DNAH6: variants seen among roughly 807,000 people sequenced by gnomAD.
DNAH6 encodes the protein dynein axonemal heavy chain 6, also known as axonemal beta dynein heavy chain 6.
DNAH6 carries 340 observed loss-of-function variants against 491.4 expected under a neutral mutation model. The observed-to-expected ratio is 0.69, with a 90% CI of 0.63 to 0.76. The LOEUF is 0.76. Among genes scored for constraint, DNAH6 ranks in the 30% least tolerant of loss-of-function variants. The probability of loss-of-function intolerance (pLI) is 0.00; values close to 1 mark genes in which losing one functional copy is unlikely to be tolerated. For missense variants in DNAH6, 4,443 were observed against 4,972.2 expected (o/e 0.89, Z 3.20); for synonymous variants, 1,603 against 1,686.1 (o/e 0.95, Z 1.21).
the DNAH6 span, among the ~76,000 whole-genome samples, chr2:84,493,707 G>A: frequency 6.6e-6 from 1 of 152,180 alleles, no homozygotes; most frequent in Non-Finnish European, 1.5e-5. Context: ...GAAGGAATCG[G>A]CGCCAGAAGA....
At chr2:84,672,244 G>A in intron 39 of DNAH6, 83 bp from the exon 40 acceptor site, 3 of 1,395,236 alleles carry the variant, frequency 2.2e-6, no homozygotes, top group Non-Finnish European at 2.9e-6. Context: ...ATGTCATTGA[G>A]TCCAAAGTCA....
chr2:84,601,755 T>C (rs1685265802), intron 18 of DNAH6, among the ~76,000 whole-genome samples: 1 of 151,986 alleles, frequency 6.6e-6, no homozygotes, highest in Admixed American at 6.5e-5. Context: ...TTGCTAGCTG[T>C]TTTATTTATT....
intron 29 of DNAH6, among the ~76,000 whole-genome samples, chr2:84,628,906 G>A (rs977892016): frequency 3.3e-5 from 5 of 152,044 alleles, no homozygotes; most frequent in African/African-American, 1.2e-4. Flanking sequence ...TGTTACCAGC[G>A]CACTTGAAAT....
At chr2:84,739,450 T>C (rs763828966) in intron 62 of DNAH6, among the ~76,000 whole-genome samples, 3 of 152,240 alleles carry the variant, frequency 2.0e-5, no homozygotes, top group Non-Finnish European at 4.4e-5. Context: ...TTTTCCAAGT[T>C]GCTTATTCTC....
intron 33 of DNAH6, among the ~76,000 whole-genome samples, chr2:84,651,358 G>A (rs887932160): frequency 6.6e-5 from 10 of 152,210 alleles, no homozygotes; most frequent in African/African-American, 1.4e-4. Context: ...CTCTGACACC[G>A]TGGGAGAATG....
intron 37 of DNAH6, among the ~76,000 whole-genome samples, chr2:84,664,318 G>C (rs1691844444): frequency 6.6e-6 from 1 of 152,096 alleles, no homozygotes; most frequent in African/African-American, 2.4e-5. Context: ...TGGATAAAGA[G>C]TCAAGACCCA....
intron 37 of DNAH6, among the ~76,000 whole-genome samples, chr2:84,668,205 GT>G (rs1692361764): frequency 6.6e-6 from 1 of 152,074 alleles, no homozygotes. Flanking sequence ...AAACTTGCAC[GT>G]TGTGCACATG....
Position 84,616,973 on chromosome 2 carries a change from T to A in DNAH6, c.3563T>A (p.Ile1188Asn), listed in dbSNP as rs1188943952. ...LEAYLESKRV[I>N]FPRFYFLSND... ...GCATACTTAGAATCAAAAAGAGTTA[T>A]CTTTCCAAGGTAAGTTTATAAAGCA... is the stretch of plus-strand genomic sequence containing the variant. Residue 1188 changes from isoleucine (I) to asparagine (N), a missense_variant, in exon 23 of 77, where the codon ATC becomes AAC. By Grantham distance (149) the Ile-to-Asn change is moderately radical (BLOSUM62 -3). Coordinates refer to ENST00000389394, the MANE Select transcript of DNAH6 (RefSeq NM_001370.2). 1 of 1,486,610 alleles carries A rather than the reference T, an allele frequency of 6.7e-7. No homozygotes were observed. The allele number at this position is 1,486,610 out of a possible 1,614,324, so 92.1% of individuals were successfully genotyped here.
At position 84,709,391 on chromosome 2, in the gene DNAH6, G is replaced by C. The variant is rs549377464; in HGVS notation, c.9097G>C (p.Asp3033His). Residue 3033 changes from aspartate to histidine, a missense_variant, in exon 55 of 77, where the codon GAT (aspartate) becomes CAT (histidine). Physicochemically the swap from Asp to His is moderately conservative, Grantham distance 81. Around this residue, in one of 3 missense-constraint regions of DNAH6, gnomAD observed 1,463 missense variants for 1,656.6 expected, o/e 0.88. Transcript: ENST00000389394. Reference sequence around the variant, plus strand: ...CTGTCAGTCTCTGGAGATCCCAATCGATCCTTCCTTCAGTCTCATTAACAT... The same window carrying C: ...CTGTCAGTCTCTGGAGATCCCAATCCATCCTTCCTTCAGTCTCATTAACAT... ...QDCQSLEIPI[D>H]PSFSLINILG... 4 of 1,551,598 alleles carry C rather than the reference G, an allele frequency of 2.6e-6. No individual in the cohort carries two copies. The South Asian group carries it at 4.8e-5, about 18-fold the overall frequency.
chr2:84,550,121 CT>C, intron 9 of DNAH6, 64 bp downstream of exon 9: 1 of 1,277,974 alleles, frequency 7.8e-7, no homozygotes, highest in African/African-American at 1.5e-5. Flanking sequence ...GCAAACTACG[CT>C]CTATGAATTA....
At chr2:84,567,534 ACAAT>A (rs1175286473) in intron 11 of DNAH6, among the ~76,000 whole-genome samples, 1 of 152,176 alleles carries the variant, frequency 6.6e-6, no homozygotes, top group Non-Finnish European at 1.5e-5. Flanking sequence ...CCTAACAAAA[ACAAT>A]CAATGGGGAA....
intron 11 of DNAH6, among the ~76,000 whole-genome samples, chr2:84,571,822 G>A (rs1681920805): frequency 6.6e-6 from 1 of 151,858 alleles, no homozygotes; most frequent in Non-Finnish European, 1.5e-5. Context: ...AGGAGACTGA[G>A]ACGGAGAATT....
At chr2:84,492,270 T>A in the DNAH6 span, among the ~76,000 whole-genome samples, 1 of 152,220 alleles carries the variant, frequency 6.6e-6, no homozygotes, top group African/African-American at 2.4e-5. Context: ...GTGCCTACTG[T>A]CCCTTAGAGT....
intron 10 of DNAH6, among the ~76,000 whole-genome samples, chr2:84,553,506 G>T (rs748530558): frequency 6.9e-6 from 1 of 145,088 alleles, no homozygotes; most frequent in East Asian, 2.0e-4. Context: ...TCTGTCACCC[G>T]GGCTGGAATG....
intron 72 of DNAH6, among the ~76,000 whole-genome samples, chr2:84,809,203 A>G (rs1361239748): frequency 1.3e-5 from 2 of 152,224 alleles, no homozygotes; most frequent in African/African-American, 4.8e-5. Flanking sequence ...CATAACTTTG[A>G]TAAGAGAAAA....
intron 42 of DNAH6, among the ~76,000 whole-genome samples, chr2:84,684,248 C>T (rs1444215656): frequency 5.9e-5 from 9 of 152,140 alleles, no homozygotes; most frequent in African/African-American, 1.4e-4. Flanking sequence ...TTTCATGAAC[C>T]GCTTCAGACT....
chr2:84,538,186 A>G (rs550346546), intron 4 of DNAH6, among the ~76,000 whole-genome samples: 24 of 151,744 alleles, frequency 1.6e-4, no homozygotes, highest in African/African-American at 5.3e-4. Flanking sequence ...AATGACAACT[A>G]CTCCTGCATT....
Position 84,703,340 on chromosome 2 carries a change from A to G in DNAH6, c.8062-55A>G, listed in dbSNP as rs1057083474. Reference sequence around the variant, plus strand: ...ACATGAGTAATATGTGTTCGATACCAGTAAACTTAGAGTTTATAATGCTCA... The same window carrying G: ...ACATGAGTAATATGTGTTCGATACCGGTAAACTTAGAGTTTATAATGCTCA... On this transcript the variant is annotated intron_variant, in intron 49 of 76. Coordinates refer to ENST00000389394, the MANE Select transcript of DNAH6 (RefSeq NM_001370.2). 41 of 1,293,992 alleles carry G rather than the reference A, an allele frequency of 3.2e-5. No homozygotes were observed. The African/African-American group carries it at 5.3e-4, about 17-fold the overall frequency. The allele number at this position is 1,293,992 out of a possible 1,614,324, so 80.2% of individuals were successfully genotyped here.
chr2:84,528,799 A>G, intron 3 of DNAH6, 105 bp from the exon 4 acceptor site: 3 of 1,132,232 alleles, frequency 2.6e-6, no homozygotes, highest in Non-Finnish European at 3.7e-6. Context: ...AGCCCTAGAC[A>G]TCTCATGCAA....
Sources: allele counts gnomAD v4.1 joint callset (sites outside exome capture counted in the v4.1 genomes callset), GRCh38; gene constraint gnomAD v4.1.1; regional missense constraint gnomAD v4.1.1; transcripts MANE v1.5; gene names NCBI Gene and HGNC (gene_info 2026-07-23, HGNC 2026-07-21).